The following TRIM67 variants were observed in gnomAD, a reference collection of about 807,000 sequenced individuals.
TRIM67 encodes tripartite motif-containing protein 67.
Under a neutral mutation model 71.0 loss-of-function variants are expected in TRIM67, and 39 were observed. The observed-to-expected ratio is 0.55, with a 90% CI of 0.43 to 0.72. The LOEUF (loss-of-function observed/expected upper bound fraction) is 0.72. Among genes scored for constraint, TRIM67 ranks in the 30% least tolerant of loss-of-function variants. The pLI, the probability that TRIM67 is intolerant of heterozygous loss-of-function variation, is 0.00. For synonymous variants in TRIM67, 481 were observed against 473.9 expected, an observed-to-expected ratio of 1.01 and a Z score of -0.19; for missense variants, 973 against 1,079.2, an observed-to-expected ratio of 0.90 and a Z score of 1.38.
chr1:231,171,794 T>C (rs995728288), intron 1 of TRIM67, among the ~76,000 whole-genome samples: 2 of 152,128 alleles, frequency 1.3e-5, no homozygotes, highest in Non-Finnish European at 2.9e-5. Flanking sequence ...AGTTGTGAAA[T>C]GATTTTGCAA....
intron 1 of TRIM67, among the ~76,000 whole-genome samples, chr1:231,189,405 A>T (rs1431364001): frequency 2.0e-5 from 3 of 152,176 alleles, no homozygotes; most frequent in African/African-American, 7.2e-5. Flanking sequence ...TGGGGAGATT[A>T]TCCTGCTTTA....
chr1:231,182,341 C>T (rs760293393), intron 1 of TRIM67, among the ~76,000 whole-genome samples: 6 of 151,958 alleles, frequency 3.9e-5, no homozygotes, highest in African/African-American at 9.7e-5. Flanking sequence ...GTGGGAGGAT[C>T]GCCTGAGGCC....
At chr1:231,211,127 T>G (rs1196592586) in intron 8 of TRIM67, among the ~76,000 whole-genome samples, 3 of 151,884 alleles carry the variant, frequency 2.0e-5, no homozygotes, top group African/African-American at 7.3e-5. Flanking sequence ...GTCACGCGGC[T>G]AGTTGATACT....
In TRIM67 at chr1:231,219,920, C is replaced by T. The variant is rs1357316474; in HGVS notation, c.*4480C>T. 7.8e-7 allele frequency: 1 copy of T among 1,289,690 alleles called. No individual in the cohort carries two copies. Among genetic ancestry groups the T allele is most frequent in the Non-Finnish European group, 1.0e-6 (1 of 988,902 alleles). The allele number at this position is 1,289,690 out of a possible 1,614,324, so 79.9% of individuals were successfully genotyped here. On this transcript the variant is annotated 3_prime_UTR_variant, in exon 10 of 10. Coordinates refer to ENST00000366653, the MANE Select transcript of TRIM67 (RefSeq NM_001004342.5). ...CGGGCAGGATGTATTGATCAGACACCAAGTTCAGCCCTCGGTTACTTCCCT... is the reference window on the plus strand; with the variant it reads ...CGGGCAGGATGTATTGATCAGACACTAAGTTCAGCCCTCGGTTACTTCCCT...
At chr1:231,212,866 C>T in intron 8 of TRIM67, among the ~76,000 whole-genome samples, 1 of 152,160 alleles carries the variant, frequency 6.6e-6, no homozygotes, top group East Asian at 1.9e-4. Flanking sequence ...TTCTTACCAC[C>T]TACAAAGTAC....
intron 1 of TRIM67, among the ~76,000 whole-genome samples, chr1:231,194,518 G>A (rs151139220): frequency 1.3e-5 from 2 of 152,170 alleles, no homozygotes; most frequent in Non-Finnish European, 2.9e-5. Context: ...AGGTTGGAAG[G>A]CTTATCTAGA....
chr1:231,202,176 G>A (rs1351875163), intron 5 of TRIM67, among the ~76,000 whole-genome samples: 13 of 152,210 alleles, frequency 8.5e-5, no homozygotes, highest in African/African-American at 2.9e-4. Context: ...AGTGGAGGAG[G>A]AGGTGGAAGA....
intron 1 of TRIM67, among the ~76,000 whole-genome samples, chr1:231,180,414 C>A (rs1461310557): frequency 1.3e-5 from 2 of 152,040 alleles, no homozygotes; most frequent in African/African-American, 4.8e-5. Flanking sequence ...TGATTTCTTA[C>A]CTCTCGGTAA....
Position 231,162,933 on chromosome 1 carries a change from T to G in TRIM67, c.-37T>G. ...CAGTCTCCCGAGCTCCGGCCATTCATCCCCAGCGCAGAGCAGCGCTGGCAG... is the reference window on the plus strand; with the variant it reads ...CAGTCTCCCGAGCTCCGGCCATTCAGCCCCAGCGCAGAGCAGCGCTGGCAG... On this transcript the variant is annotated 5_prime_UTR_variant, in exon 1 of 10. Transcript: ENST00000366653. 6.3e-7 allele frequency: 1 copy of G among 1,597,870 alleles called. No homozygotes were observed. Among genetic ancestry groups the G allele is most frequent in the Non-Finnish European group, 8.5e-7 (1 of 1,174,862 alleles).
Position 231,216,182 on chromosome 1 carries a change from T to C in TRIM67, c.*742T>C, listed in dbSNP as rs2102768368. The C allele has an allele frequency of 1.1e-6, 1 of 942,600 alleles. No homozygotes were observed. Among genetic ancestry groups the C allele is most frequent in the Non-Finnish European group, 1.3e-6 (1 of 791,340 alleles). 58.4% of individuals were successfully genotyped at this position (942,600 alleles called of 1,614,324 possible). On this transcript the variant is annotated 3_prime_UTR_variant, in exon 10 of 10. Transcript: ENST00000366653. ...TCTCTCTTCTTCTCTCTCTCCTTCC[T>C]TCCCTCCTTTGCTCTCTCTTTCTTC...
chr1:231,220,841 T>C lies in TRIM67; in HGVS notation c.*5401T>C, dbSNP rs1314091556. 2 of 152,302 alleles carry C rather than the reference T, an allele frequency of 1.3e-5. No individual in the cohort carries two copies. Among genetic ancestry groups the C allele is most frequent in the Non-Finnish European group, 2.9e-5 (2 of 68,112 alleles). 9.4% of individuals were successfully genotyped at this position (152,302 alleles called of 1,614,324 possible). The stretch of plus-strand genomic sequence containing the variant: ...GGCCTAGGGACCTGTGGGCCGGTGA[T>C]GCGGGCACTGCAGACCAGGCCAGGC... On this transcript the variant is annotated 3_prime_UTR_variant, in exon 10 of 10. Transcript: ENST00000366653.
chr1:231,198,238 T>C (rs536816197), intron 2 of TRIM67, among the ~76,000 whole-genome samples: 7 of 152,274 alleles, frequency 4.6e-5, no homozygotes, highest in African/African-American at 1.7e-4. Flanking sequence ...CAGCACAAGA[T>C]ACAAAGATCA....
Position 231,215,803 on chromosome 1 carries a change from G to T in TRIM67, c.*363G>T, listed in dbSNP as rs576460269. 1 of 1,044,218 alleles carries T rather than the reference G, an allele frequency of 9.6e-7. No homozygotes were observed. Among genetic ancestry groups the T allele is most frequent in the South Asian group, 4.5e-5 (1 of 22,220 alleles). The allele number at this position is 1,044,218 out of a possible 1,614,324, so 64.7% of individuals were successfully genotyped here. On this transcript the variant is annotated 3_prime_UTR_variant, in exon 10 of 10. Coordinates refer to ENST00000366653, the MANE Select transcript of TRIM67 (RefSeq NM_001004342.5). Reference sequence around the variant, plus strand: ...CTTTTTTTGGAGGGAGAGGAAGGTAGACTTTGAGACTGGCCTCCTGAGAGC... The same window carrying T: ...CTTTTTTTGGAGGGAGAGGAAGGTATACTTTGAGACTGGCCTCCTGAGAGC...
chr1:231,168,677 A>G (rs1682542826), intron 1 of TRIM67, among the ~76,000 whole-genome samples: 1 of 152,250 alleles, frequency 6.6e-6, no homozygotes, highest in Non-Finnish European at 1.5e-5. Context: ...TTTTAAAAAG[A>G]AGATGACATG....
intron 1 of TRIM67, among the ~76,000 whole-genome samples, chr1:231,191,559 C>A (rs1208959694): frequency 6.6e-6 from 1 of 151,764 alleles, no homozygotes; most frequent in East Asian, 2.0e-4. Context: ...CTCTGGTGTG[C>A]AATAGAGACA....
intron 8 of TRIM67, among the ~76,000 whole-genome samples, chr1:231,210,699 TTAATCC>T (rs897874542): frequency 2.0e-5 from 3 of 151,896 alleles, no homozygotes; most frequent in African/African-American, 7.3e-5. Context: ...CTGAGCTCAT[TTAATCC>T]TTGCAAAGGT....
chr1:231,201,209 G>A (rs961090887), intron 4 of TRIM67, 149 bp from the exon 5 acceptor site: 1 of 697,880 alleles, frequency 1.4e-6, no homozygotes, highest in African/African-American at 1.8e-5. Context: ...GGGTGGACAG[G>A]AGTCATTTAA....
chr1:231,178,937 G>C (rs1244670258), intron 1 of TRIM67, among the ~76,000 whole-genome samples: 1 of 152,176 alleles, frequency 6.6e-6, no homozygotes, highest in Admixed American at 6.5e-5. Flanking sequence ...GTGTCCTAGA[G>C]AGCCCAACAC....
chr1:231,212,722 A>G (rs534342531), intron 8 of TRIM67, among the ~76,000 whole-genome samples: 3 of 152,146 alleles, frequency 2.0e-5, no homozygotes, highest in Non-Finnish European at 4.4e-5. Context: ...CTCTAAAACA[A>G]AAAACCACCT....
Sources: allele counts gnomAD v4.1 joint callset (sites outside exome capture counted in the v4.1 genomes callset), GRCh38; gene constraint gnomAD v4.1.1; transcripts MANE v1.5; gene names NCBI Gene and HGNC (gene_info 2026-07-23, HGNC 2026-07-21).